The following GDI2 variants were observed in gnomAD, a reference collection of about 807,000 sequenced individuals.
GDI2 encodes the protein rab GDP dissociation inhibitor beta.
A neutral mutation model predicts 54.2 loss-of-function variants in GDI2; 22 were observed. The observed-to-expected ratio is 0.41, with a 90% confidence interval of 0.29 to 0.58. The LOEUF (loss-of-function observed/expected upper bound fraction) is 0.58. Among genes scored for constraint, GDI2 ranks in the 20% least tolerant of loss-of-function variants. The probability of loss-of-function intolerance (pLI) is 0.35; values close to 1 mark genes in which losing one functional copy is unlikely to be tolerated. For synonymous variants in GDI2, 177 were observed against 182.1 expected (o/e 0.97, Z 0.23); for missense variants, 422 against 546.0 (o/e 0.77, Z 2.26).
At chr10:5,808,534 G>A (rs1211017003) in intron 1 of GDI2, among the ~76,000 whole-genome samples, 1 of 151,680 alleles carries the variant, frequency 6.6e-6, no homozygotes, top group Non-Finnish European at 1.5e-5. Context: ...AAATTAGCCG[G>A]GCGTGGTGGT....
In GDI2 at chr10:5,765,288, T is replaced by C. The variant is rs189651807; in HGVS notation, c.*718A>G. On this transcript the variant is annotated 3_prime_UTR_variant, in exon 11 of 11. Transcript: ENST00000380191. ...ATTTGGAGCCATTTTGAGACAGAAG[T>C]AGAGGCTCTGTCAAGTCAATACTGC... 2 of 152,758 alleles carry C rather than the reference T, an allele frequency of 1.3e-5. No homozygotes were observed. The highest frequency in any genetic ancestry group is 2.9e-5 in the Non-Finnish European group (2 of 68,046). The allele number at this position is 152,758 out of a possible 1,614,324, so 9.5% of individuals were successfully genotyped here. A position where few individuals can be genotyped will look rare whatever the true frequency, so the allele number is the denominator to read the frequency against.
At position 5,766,082 on chromosome 10, in the gene GDI2, T is replaced by A. The variant is rs202024115; in HGVS notation, c.1262A>T (p.Tyr421Phe). The change falls in exon 11 of 11, where the codon TAT (tyrosine) becomes TTT (phenylalanine). Residue 421 changes from tyrosine (Y) to phenylalanine (F), a missense_variant. By Grantham distance (22) the Tyr-to-Phe change is conservative. Transcript: ENST00000380191. The surrounding 1 kb of genome is among the most constrained non-coding windows in gnomAD (Gnocchi z 5.8). ...ETTCDDIKNI[Y>F]KRMTGSEFDF... ...AAACTCTGATCCTGTCATCCTCTTA[T>A]AGATGTTTTTAATGTCATCACACGT... 1.1e-5 allele frequency: 18 copies of A among 1,607,616 alleles called. No homozygotes were observed. Among genetic ancestry groups the A allele is most frequent in the Non-Finnish European group, 1.5e-5 (18 of 1,177,460 alleles).
chr10:5,783,045 G>A (rs1435772373), intron 6 of GDI2, among the ~76,000 whole-genome samples: 3 of 152,126 alleles, frequency 2.0e-5, no homozygotes, highest in African/African-American at 7.2e-5. Flanking sequence ...TTGAAAACAA[G>A]CAAAAGTAAT....
chr10:5,777,831 C>A (rs368202966), intron 6 of GDI2, among the ~76,000 whole-genome samples: 4 of 152,206 alleles, frequency 2.6e-5, no homozygotes, highest in African/African-American at 9.7e-5. Context: ...AGGACACATG[C>A]ACACTTATGT....
At chr10:5,777,491 A>G (rs1840652672) in intron 6 of GDI2, among the ~76,000 whole-genome samples, 1 of 152,194 alleles carries the variant, frequency 6.6e-6, no homozygotes, top group South Asian at 2.1e-4. Flanking sequence ...TCATTTCTCA[A>G]AAGAAAACAT....
At chr10:5,785,630 C>T (rs1840856655) in intron 5 of GDI2, among the ~76,000 whole-genome samples, 1 of 152,186 alleles carries the variant, frequency 6.6e-6, no homozygotes, top group South Asian at 2.1e-4. Context: ...CCCAACTTGG[C>T]CTCCCAAAGT....
At chr10:5,785,650 A>G (rs1840856896) in intron 5 of GDI2, among the ~76,000 whole-genome samples, 1 of 152,236 alleles carries the variant, frequency 6.6e-6, no homozygotes, top group South Asian at 2.1e-4. Context: ...TGCTGGGATC[A>G]CAGGCGTGAG....
In GDI2 at chr10:5,768,081, AT is replaced by A. The variant is rs139873849; in HGVS notation, c.991+131del. 12 of 680,166 alleles carry A rather than the reference AT, an allele frequency of 1.8e-5. No homozygotes were observed. The highest frequency in any genetic ancestry group is 7.9e-5 in the East Asian group (3 of 38,074). 42.1% of individuals were successfully genotyped at this position (680,166 alleles called of 1,614,324 possible). The stretch of plus-strand genomic sequence containing the variant: ...TGCCGGAGCAGGAGGAGGTACAAAG[AT>A]TTTTTTCCCCCATATGTAAACCAAG... On this transcript the variant is annotated intron_variant, in intron 8 of 10. Coordinates refer to ENST00000380191, the MANE Select transcript of GDI2 (RefSeq NM_001494.4). The surrounding 1 kb of genome is among the most constrained non-coding windows in gnomAD (Gnocchi z 4.4).
At chr10:5,798,316 G>A (rs777220779) in intron 2 of GDI2, among the ~76,000 whole-genome samples, 6 of 152,264 alleles carry the variant, frequency 3.9e-5, no homozygotes, top group Non-Finnish European at 8.8e-5. Context: ...GGCTGGGTGC[G>A]GTGGCTCATG....
chr10:5,795,086 TA>T, intron 3 of GDI2, 67 bp from the exon 4 acceptor site: 1 of 957,964 alleles, frequency 1.0e-6, no homozygotes, highest in South Asian at 1.4e-5. Context: ...TTACTAATAC[TA>T]ACAGCTTCTA....
At chr10:5,802,995 A>G (rs1841302588) in intron 1 of GDI2, among the ~76,000 whole-genome samples, 1 of 151,914 alleles carries the variant, frequency 6.6e-6, no homozygotes, top group Admixed American at 6.6e-5. Flanking sequence ...TATTTAAATT[A>G]CTCCTCCCTT....
chr10:5,793,868 T>C (rs1841069707), intron 4 of GDI2, among the ~76,000 whole-genome samples: 2 of 151,998 alleles, frequency 1.3e-5, no homozygotes, highest in Admixed American at 6.6e-5. Flanking sequence ...GGGCAGAGAA[T>C]AAGATCACTC....
intron 6 of GDI2, among the ~76,000 whole-genome samples, chr10:5,781,367 C>A (rs922825294): frequency 3.3e-5 from 5 of 151,844 alleles, no homozygotes; most frequent in African/African-American, 1.2e-4. Flanking sequence ...GTGGCTCACG[C>A]TTGTAATCCC....
chr10:5,784,501 G>A (rs746031532), intron 6 of GDI2, among the ~76,000 whole-genome samples: 1 of 152,162 alleles, frequency 6.6e-6, no homozygotes, highest in East Asian at 1.9e-4. Context: ...AAAGAACCCT[G>A]TTTTGTCATA....
At chr10:5,808,611 G>A (rs935820037) in intron 1 of GDI2, among the ~76,000 whole-genome samples, 1 of 151,198 alleles carries the variant, frequency 6.6e-6, no homozygotes, top group South Asian at 2.1e-4. Context: ...GGGAGGCAGA[G>A]GTTGTAGTGA....
At chr10:5,787,970 GC>G in intron 4 of GDI2, among the ~76,000 whole-genome samples, 1 of 152,238 alleles carries the variant, frequency 6.6e-6, no homozygotes, top group African/African-American at 2.4e-5. Context: ...AGAAATCAGT[GC>G]CACTCCTGTT....
intron 1 of GDI2, among the ~76,000 whole-genome samples, chr10:5,809,440 A>C (rs1318927417): frequency 6.6e-6 from 1 of 152,176 alleles, no homozygotes; most frequent in African/African-American, 2.4e-5. Context: ...TCCTTGACTT[A>C]GCATTGACTT....
In GDI2 at chr10:5,776,613, G is replaced by A. The variant is rs1840627357; in HGVS notation, c.720-2672C>T. Reference sequence around the variant, plus strand: ...AATAAACAACTCAAGGCTGAAAAGGGCAGACTTCTAAATGGTCCAATAGAA... The same window carrying A: ...AATAAACAACTCAAGGCTGAAAAGGACAGACTTCTAAATGGTCCAATAGAA... On this transcript the variant is annotated intron_variant, in intron 6 of 10. Coordinates refer to ENST00000380191, the MANE Select transcript of GDI2 (RefSeq NM_001494.4). The surrounding 1 kb of genome is among the most constrained non-coding windows in gnomAD (Gnocchi z 5.3). 4 of 1,516,698 alleles carry A rather than the reference G, an allele frequency of 2.6e-6. No individual in the cohort carries two copies. Among genetic ancestry groups the A allele is most frequent in the Non-Finnish European group, 3.7e-6 (4 of 1,094,704 alleles). The allele number at this position is 1,516,698 out of a possible 1,614,324, so 94.0% of individuals were successfully genotyped here.
chr10:5,776,469 G>A lies in GDI2; in HGVS notation c.720-2528C>T. 1 of 953,396 alleles carries A rather than the reference G, an allele frequency of 1.0e-6. No individual in the cohort carries two copies. The highest frequency in any genetic ancestry group is 1.7e-6 in the Non-Finnish European group (1 of 581,736). The allele number at this position is 953,396 out of a possible 1,614,324, so 59.1% of individuals were successfully genotyped here. ...ACTATTTTTACTTTAGCAAAAGAGT[G>A]AGCCAGCAGAGCCATGTATTAGAAG... On this transcript the variant is annotated intron_variant, in intron 6 of 10. Transcript: ENST00000380191. This position sits in a 1 kb window ranked among gnomAD's most constrained non-coding sequence, Gnocchi z 5.3.
Sources: gnomAD v4.1 joint callset for allele counts (sites outside exome capture counted in the v4.1 genomes callset) on GRCh38, gnomAD v4.1.1 for gene constraint, Gnocchi (gnomAD v3.1) non-coding constraint, MANE v1.5 for transcripts, NCBI Gene and HGNC (gene_info 2026-07-23, HGNC 2026-07-21) for gene names.